The following TCL1B variants were observed in gnomAD, a reference collection of about 807,000 sequenced individuals.
TCL1B encodes the protein TCL1 family AKT coactivator B, also known as T-cell leukemia/lymphoma protein 1B.
A neutral mutation model predicts 16.9 loss-of-function variants in TCL1B; 14 were observed. The ratio of observed to expected loss-of-function variants is 0.83; its 90% CI spans 0.55 to 1.30. The LOEUF is 1.30. Among genes scored for constraint, TCL1B ranks in the 50% most tolerant of loss-of-function variants. The pLI is 0.00. For missense variants in TCL1B, 166 were observed against 165.2 expected (o/e 1.00, Z -0.03); for synonymous variants, 79 against 66.6 (o/e 1.19, Z -0.91).
At chr14:95,690,555 G>A (rs1049618310) in intron 1 of TCL1B, among the ~76,000 whole-genome samples, 181 bp from the exon 2 acceptor site, 3 of 151,880 alleles carry the variant, frequency 2.0e-5, no homozygotes, top group African/African-American at 7.3e-5. Flanking sequence ...CAGGTCAGAG[G>A]GGGCCAGAAG....
At chr14:95,688,163 T>C (rs999598960) in intron 1 of TCL1B, 6 of 122,062 alleles carry the variant, frequency 4.9e-5, no homozygotes, top group African/African-American at 2.1e-4. Context: ...CAGTTAATTT[T>C]TTTTGTTATT....
chr14:95,690,988 C>T (rs1246095741), intron 2 of TCL1B, 82 bp downstream of exon 2: 2 of 1,517,250 alleles, frequency 1.3e-6, no homozygotes, highest in Non-Finnish European at 1.8e-6. Context: ...TGCCCCTGGC[C>T]CCCTTGGGGT....
Position 95,686,446 on chromosome 14 carries a change from G to A in TCL1B, c.-22G>A, listed in dbSNP as rs763518403. On this transcript the variant is annotated 5_prime_UTR_variant, in exon 1 of 4. Transcript: ENST00000340722. ...AAGCTACACGTGTGAGCCTAGAGGC[G>A]GGTCCCGGTTGCAGACTTGCCATGG... 2 of 1,575,724 alleles carry A rather than the reference G, an allele frequency of 1.3e-6. No individual in the cohort carries two copies. Among genetic ancestry groups the A allele is most frequent in the Non-Finnish European group, 1.7e-6 (2 of 1,162,498 alleles).
At chr14:95,686,712 G>C in intron 1 of TCL1B, 83 bp downstream of exon 1, 1 of 1,454,282 alleles carries the variant, frequency 6.9e-7, no homozygotes, top group African/African-American at 1.4e-5. Context: ...GGGGTCAGAG[G>C]GGGCCGTTCT....
chr14:95,689,191 G>A (rs1885829725), intron 1 of TCL1B: 1 of 152,206 alleles, frequency 6.6e-6, no homozygotes, highest in African/African-American at 2.4e-5. Flanking sequence ...GGGGGCTGAG[G>A]CAGGAGAATG....
rs747290920 is a variant in TCL1B, at chr14:95,687,276, C to T, written c.162+647C>T. 9.9e-5 allele frequency among the ~76,000 whole-genome samples: 15 copies of T among 152,194 alleles called. No individual in the cohort carries two copies. In the East Asian group the frequency reaches 1.9e-3, roughly 20 times the overall value. Reference sequence around the variant, plus strand: ...GTGATAATGATAATGACTCAGGAAACGGCTGTAGATGAGGGCTTTAGATCA... The same window carrying T: ...GTGATAATGATAATGACTCAGGAAATGGCTGTAGATGAGGGCTTTAGATCA... On this transcript the variant is annotated intron_variant, in intron 1 of 3. Transcript: ENST00000340722.
At chr14:95,687,951 C>A (rs1311572604) in intron 1 of TCL1B, among the ~76,000 whole-genome samples, 772 of 108,554 alleles carry the variant, frequency 7.1e-3, no homozygotes, top group Non-Finnish European at 8.4e-3. Flanking sequence ...GACTCCGTCC[C>A]AAAAAAAAAA....
chr14:95,690,928 G>T (rs1443764872), intron 2 of TCL1B, 22 bp downstream of exon 2: 2 of 1,607,518 alleles, frequency 1.2e-6, no homozygotes, highest in East Asian at 4.5e-5. Flanking sequence ...GTGGTTCTAG[G>T]TGAAAGCGAC....
chr14:95,686,440 A>C lies in TCL1B; in HGVS notation c.-28A>C. 1 of 1,575,048 alleles carries C rather than the reference A, an allele frequency of 6.3e-7. No homozygotes were observed. Among genetic ancestry groups the C allele is most frequent in the Non-Finnish European group, 8.6e-7 (1 of 1,162,258 alleles). On this transcript the variant is annotated 5_prime_UTR_variant, in exon 1 of 4. Coordinates refer to ENST00000340722, the MANE Select transcript of TCL1B (RefSeq NM_004918.4). ...GCTGGAAAGCTACACGTGTGAGCCT[A>C]GAGGCGGGTCCCGGTTGCAGACTTG...
At position 95,690,718 on chromosome 14, in the gene TCL1B, C is replaced by A. The variant is rs1566740552; in HGVS notation, c.163-18C>A. On this transcript the variant is annotated intron_variant, in intron 1 of 3. Transcript: ENST00000340722. ...GAACCCTATCCATGATTTGCCGCCT[C>A]TTTTCTGGTCCCTTCAGTATGAACC... 1 of 1,594,962 alleles carries A rather than the reference C, an allele frequency of 6.3e-7. No individual in the cohort carries two copies. The highest frequency in any genetic ancestry group is 1.7e-5 in the Admixed American group (1 of 59,578).
intron 3 of TCL1B, 34 bp downstream of exon 3, chr14:95,691,370 A>G: frequency 6.3e-7 from 1 of 1,595,512 alleles, no homozygotes; most frequent in Non-Finnish European, 8.5e-7. Flanking sequence ...CAGTGTAGGG[A>G]TCAGACGAAA....
chr14:95,688,522 C>T (rs1885808995), intron 1 of TCL1B, among the ~76,000 whole-genome samples: 1 of 152,176 alleles, frequency 6.6e-6, no homozygotes, highest in African/African-American at 2.4e-5. Flanking sequence ...ATGAGGATTT[C>T]TCAAAGAAAG....
At position 95,686,582 on chromosome 14, in the gene TCL1B, T is replaced by C. The variant is rs1456110271; in HGVS notation, c.115T>C (p.Phe39Leu). The change falls in exon 1 of 4, where the codon TTC (phenylalanine) becomes CTC (leucine). Residue 39 changes from phenylalanine to leucine, a missense_variant. Coordinates refer to ENST00000340722, the MANE Select transcript of TCL1B (RefSeq NM_004918.4). ...AACCTGGGTGACTGTGGTCGTGCGG[T>C]TCAATCCCTCGCGTAGGGAATGGGC... The part of the protein sequence containing the change: ...GRTWVTVVVR[F>L]NPSRREWARA... The C allele has an allele frequency of 3.1e-6, 5 of 1,613,508 alleles. No individual in the cohort carries two copies. The highest frequency in any genetic ancestry group is 1.3e-5 in the African/African-American group (1 of 74,836).
intron 1 of TCL1B, 79 bp from the exon 2 acceptor site, chr14:95,690,657 C>G: frequency 6.8e-7 from 1 of 1,473,786 alleles, no homozygotes; most frequent in Non-Finnish European, 9.3e-7. Flanking sequence ...CCTGGCAGCC[C>G]ACTGGCCATT....
intron 3 of TCL1B, chr14:95,691,619 G>A (rs559407022): frequency 2.4e-5 from 7 of 288,484 alleles, no homozygotes; most frequent in South Asian, 6.2e-5. Context: ...CCCATTTCAC[G>A]ACGAAAAGAC....
At chr14:95,688,869 G>C (rs370045059) in intron 1 of TCL1B, among the ~76,000 whole-genome samples, 1 of 152,200 alleles carries the variant, frequency 6.6e-6, no homozygotes. Context: ...GGAGGGAGTC[G>C]AGGATGGGAA....
intron 1 of TCL1B, among the ~76,000 whole-genome samples, chr14:95,689,032 A>C (rs1885820472): frequency 6.6e-6 from 1 of 152,070 alleles, no homozygotes; most frequent in South Asian, 2.1e-4. Context: ...CACGCCTGTA[A>C]TCCCAGCACT....
chr14:95,688,090 G>A (rs1264139282), intron 1 of TCL1B: 1 of 152,042 alleles, frequency 6.6e-6, no homozygotes, highest in African/African-American at 2.4e-5. Context: ...CCACCTCCCA[G>A]GCTCAAGTGA....
intron 2 of TCL1B, 43 bp downstream of exon 2, chr14:95,690,949 T>G (rs369425820): frequency 1.3e-6 from 2 of 1,597,570 alleles, no homozygotes; most frequent in South Asian, 1.1e-5. Context: ...AGGTGGCCCC[T>G]GGTGACTGCC....
Sources: allele counts gnomAD v4.1 joint callset (sites outside exome capture counted in the v4.1 genomes callset), GRCh38; gene constraint gnomAD v4.1.1; transcripts MANE v1.5; gene names NCBI Gene and HGNC (gene_info 2026-07-23, HGNC 2026-07-21).